The following LRRC37A2 variants were observed in gnomAD, a reference collection of about 807,000 sequenced individuals.
The protein encoded by LRRC37A2 is leucine-rich repeat-containing protein 37A2.
A neutral mutation model predicts 68.8 loss-of-function variants in LRRC37A2; 9 were observed. The observed-to-expected ratio is 0.13, with a 90% confidence interval of 0.08 to 0.23. The LOEUF (loss-of-function observed/expected upper bound fraction) is 0.23, where lower values mean the gene tolerates loss of function less well. Among genes scored for constraint, LRRC37A2 ranks in the 10% least tolerant of loss-of-function variants. The probability of loss-of-function intolerance (pLI) is 1.00; values close to 1 mark genes in which losing one functional copy is unlikely to be tolerated. For synonymous variants in LRRC37A2, 63 were observed against 367.6 expected, an observed-to-expected ratio of 0.17 and a Z score of 9.48; for missense variants, 168 against 950.4, an observed-to-expected ratio of 0.18 and a Z score of 10.82.
At chr17:46,851,394 C>A in the LRRC37A2 span, among the ~76,000 whole-genome samples, 4 of 150,206 alleles carry the variant, frequency 2.7e-5, no homozygotes, top group African/African-American at 7.3e-5. The surrounding 1 kb of genome is among the most constrained non-coding windows in gnomAD (Gnocchi z 4.3). Context: ...GAGGGCGGGG[C>A]AATGGGGGAG....
the LRRC37A2 span, among the ~76,000 whole-genome samples, chr17:46,490,652 A>G: frequency 6.8e-6 from 1 of 147,842 alleles, no homozygotes; most frequent in Non-Finnish European, 1.5e-5. Context: ...TAAACTCAGG[A>G]GGCGGAGGTT....
At chr17:46,819,398 C>T in the LRRC37A2 span, among the ~76,000 whole-genome samples, 1 of 152,096 alleles carries the variant, frequency 6.6e-6, no homozygotes, top group Admixed American at 6.5e-5. This position sits in a 1 kb window ranked among gnomAD's most constrained non-coding sequence, Gnocchi z 5.3. Context: ...CTCCTGCTGC[C>T]TTTGCATTTC....
At chr17:46,785,859 G>C in the LRRC37A2 span, among the ~76,000 whole-genome samples, 1 of 152,162 alleles carries the variant, frequency 6.6e-6, no homozygotes, top group African/African-American at 2.4e-5. Context: ...GGAGGGAAGG[G>C]GTGTGGAGGG....
the LRRC37A2 span, among the ~76,000 whole-genome samples, chr17:46,990,317 C>T: frequency 6.6e-6 from 1 of 152,226 alleles, no homozygotes; most frequent in Non-Finnish European, 1.5e-5. Flanking sequence ...ATGGCTTCAG[C>T]TACCTCAAGA....
At chr17:46,601,837 T>C in the LRRC37A2 span, among the ~76,000 whole-genome samples, 1 of 151,422 alleles carries the variant, frequency 6.6e-6, no homozygotes, top group East Asian at 1.9e-4. Flanking sequence ...TCTTGGCTCT[T>C]TTCCGTATGA....
the LRRC37A2 span, among the ~76,000 whole-genome samples, chr17:46,718,167 A>AGAGAACCTTGGTGTTTGCTCTCCC: frequency 3.3e-5 from 5 of 152,212 alleles, no homozygotes; most frequent in African/African-American, 1.2e-4. Flanking sequence ...TCCGGTCTCC[A>AGAGAACCTTGGTGTTTGCTCTCCC]GAGAACCTTG....
chr17:46,753,133 C>A, the LRRC37A2 span, among the ~76,000 whole-genome samples: 8 of 152,126 alleles, frequency 5.3e-5, no homozygotes, highest in Non-Finnish European at 1.0e-4. Context: ...GACAGAGTGG[C>A]TGTATTCTAG....
At chr17:46,516,251 C>T (rs1176607916) in intron 2 of LRRC37A2, among the ~76,000 whole-genome samples, 8 of 133,904 alleles carry the variant, frequency 6.0e-5, no homozygotes, top group Admixed American at 8.1e-5. Flanking sequence ...TGCAGTGAGC[C>T]GAGATTGCAC....
At chr17:46,605,505 C>T in the LRRC37A2 span, among the ~76,000 whole-genome samples, 37 of 143,956 alleles carry the variant, frequency 2.6e-4, no homozygotes, top group Middle Eastern at 7.2e-3. Flanking sequence ...AAGTATTTGG[C>T]TGTCAGCTGT....
At chr17:46,782,546 G>A in the LRRC37A2 span, among the ~76,000 whole-genome samples, 1 of 152,272 alleles carries the variant, frequency 6.6e-6, no homozygotes, top group Admixed American at 6.5e-5. Flanking sequence ...GAGGAACCAA[G>A]CGTTGGCTTT....
the LRRC37A2 span, among the ~76,000 whole-genome samples, chr17:46,787,773 G>A: frequency 6.6e-6 from 1 of 152,174 alleles, no homozygotes; most frequent in Non-Finnish European, 1.5e-5. Context: ...GGCCAACATG[G>A]CGAAACGCCT....
chr17:46,714,433 T>C, the LRRC37A2 span, among the ~76,000 whole-genome samples: 4 of 152,206 alleles, frequency 2.6e-5, no homozygotes, highest in Non-Finnish European at 5.9e-5. Flanking sequence ...TAGTTTTATA[T>C]TAGGTAATAA....
At chr17:46,770,559 T>A in the LRRC37A2 span, among the ~76,000 whole-genome samples, 1 of 151,496 alleles carries the variant, frequency 6.6e-6, no homozygotes, top group South Asian at 2.1e-4. Flanking sequence ...GGACGGCCCC[T>A]CTCCTTTTCT....
chr17:47,028,933 C>T, the LRRC37A2 span, among the ~76,000 whole-genome samples: 2 of 150,794 alleles, frequency 1.3e-5, no homozygotes, highest in South Asian at 4.3e-4. Context: ...AATCCCAGCA[C>T]CTTGGGAGGC....
the LRRC37A2 span, chr17:46,931,107 A>C: frequency 6.3e-7 from 1 of 1,579,566 alleles, no homozygotes; most frequent in Middle Eastern, 1.8e-4. Context: ...AGTAGTAGAA[A>C]ACGAAATCCA....
the LRRC37A2 span, among the ~76,000 whole-genome samples, chr17:47,020,781 CAAAAAAAAAA>C: frequency 3.2e-3 from 64 of 20,114 alleles, no homozygotes; most frequent in South Asian, 0.023. Context: ...GACTCCATCT[CAAAAAAAAAA>C]AAAAAAAAAA....
chr17:46,749,800 A>G, the LRRC37A2 span: 1 of 1,614,104 alleles, frequency 6.2e-7, no homozygotes, highest in Non-Finnish European at 8.5e-7. Context: ...CATTGGGACC[A>G]CTAGCCGCAA....
the LRRC37A2 span, among the ~76,000 whole-genome samples, chr17:46,709,398 G>A: frequency 6.6e-6 from 1 of 152,038 alleles, no homozygotes. Flanking sequence ...TATATCTTGG[G>A]AGAGTCACTG....
the LRRC37A2 span, among the ~76,000 whole-genome samples, chr17:46,894,978 G>A: frequency 1.3e-5 from 2 of 152,180 alleles, no homozygotes; most frequent in South Asian, 2.1e-4. Flanking sequence ...GGACGTGCTC[G>A]CCTGTCCGCT....
Sources: gnomAD v4.1 joint callset for allele counts (sites outside exome capture counted in the v4.1 genomes callset) on GRCh38, gnomAD v4.1.1 for gene constraint, Gnocchi (gnomAD v3.1) non-coding constraint, MANE v1.5 for transcripts, NCBI Gene and HGNC (gene_info 2026-07-23, HGNC 2026-07-21) for gene names.